The following TAFA5 variants were observed in gnomAD, a reference collection of about 807,000 sequenced individuals.
TAFA5 encodes the protein chemokine-like protein TAFA-5.
Under a neutral mutation model 15.3 loss-of-function variants are expected in TAFA5, and 6 were observed. The ratio of observed to expected loss-of-function variants is 0.39; its 90% confidence interval spans 0.21 to 0.77. The LOEUF (loss-of-function observed/expected upper bound fraction) is 0.77, where lower values mean the gene tolerates loss of function less well. TAFA5 is among the 30% of genes least tolerant of loss of function. The pLI is 0.41. For synonymous variants in TAFA5, 103 were observed against 80.7 expected, an observed-to-expected ratio of 1.28 and a Z score of -1.48; for missense variants, 161 against 193.1, an observed-to-expected ratio of 0.83 and a Z score of 0.98.
At position 48,702,809 on chromosome 22, in the gene TAFA5, C is replaced by T. The variant is rs147752633; in HGVS notation, c.263-4908C>T. 2.1e-3 allele frequency among the ~76,000 whole-genome samples: 315 copies of T among 152,384 alleles called. 1 individual carries two copies. Among genetic ancestry groups the T allele is most frequent in the African/African-American group, 7.0e-3 (293 of 41,588 alleles). On this transcript the variant is annotated intron_variant, in intron 2 of 3. Coordinates refer to ENST00000402357, the MANE Select transcript of TAFA5 (RefSeq NM_001082967.3). Reference sequence around the variant, plus strand: ...GTATGCTTGAAAGGCCCCTTTGTCCCCGGGACATGGTGGCCCGGCGCTGTG... The same window carrying T: ...GTATGCTTGAAAGGCCCCTTTGTCCTCGGGACATGGTGGCCCGGCGCTGTG...
intron 3 of TAFA5, among the ~76,000 whole-genome samples, chr22:48,739,514 C>T (rs577511278): frequency 5.3e-5 from 8 of 152,252 alleles, no homozygotes; most frequent in East Asian, 3.9e-4. Context: ...TTGGTTAGGG[C>T]GGTCTCCTGC....
At chr22:48,609,538 G>C (rs1297062823) in intron 1 of TAFA5, among the ~76,000 whole-genome samples, 2 of 152,192 alleles carry the variant, frequency 1.3e-5, no homozygotes, top group African/African-American at 4.8e-5. Flanking sequence ...CTCTGTCCAC[G>C]CCTCTGTCCA....
intron 3 of TAFA5, among the ~76,000 whole-genome samples, chr22:48,726,891 T>C (rs960128406): frequency 2.0e-5 from 3 of 152,184 alleles, no homozygotes; most frequent in Admixed American, 1.3e-4. Flanking sequence ...TAGGACGGGC[T>C]GGGGGCTCAG....
intron 3 of TAFA5, among the ~76,000 whole-genome samples, chr22:48,711,144 G>A (rs130155): frequency 0.69 from 105,177 of 151,962 alleles, 36,612 homozygotes; most frequent in Middle Eastern, 0.72. Flanking sequence ...ACTGTAGCAG[G>A]ACACTCCGTC....
intron 2 of TAFA5, among the ~76,000 whole-genome samples, chr22:48,650,427 C>T (rs1025298523): frequency 6.6e-6 from 1 of 152,182 alleles, no homozygotes; most frequent in East Asian, 1.9e-4. Flanking sequence ...TGCAGTGCTG[C>T]AGGTGCGGGA....
At chr22:48,508,044 G>A (rs574004979) in intron 1 of TAFA5, among the ~76,000 whole-genome samples, 2 of 151,972 alleles carry the variant, frequency 1.3e-5, no homozygotes, top group Non-Finnish European at 2.9e-5. Context: ...ACTGTCACTC[G>A]GCCCCTAGAG....
intron 1 of TAFA5, among the ~76,000 whole-genome samples, chr22:48,639,742 G>T (rs1479621733): frequency 6.6e-6 from 1 of 152,178 alleles, no homozygotes; most frequent in African/African-American, 2.4e-5. Flanking sequence ...TCAAAACTTG[G>T]CTCACTTATA....
At chr22:48,730,996 C>T (rs1479619192) in intron 3 of TAFA5, among the ~76,000 whole-genome samples, 2 of 152,172 alleles carry the variant, frequency 1.3e-5, no homozygotes, top group African/African-American at 4.8e-5. Context: ...AATGCTAGGC[C>T]TCTCGCACCA....
chr22:48,640,869 G>A (rs371599746), intron 1 of TAFA5, among the ~76,000 whole-genome samples: 358 of 145,760 alleles, frequency 2.5e-3, no homozygotes, highest in African/African-American at 8.6e-3. Flanking sequence ...TGGGGGCACC[G>A]TGGCCCTTGT....
chr22:48,661,345 G>A (rs774121078), intron 2 of TAFA5, among the ~76,000 whole-genome samples: 78 of 152,172 alleles, frequency 5.1e-4, no homozygotes, highest in South Asian at 1.0e-3. Flanking sequence ...CCCTTCCCAC[G>A]TTTACAGAAG....
Position 48,661,010 on chromosome 22 carries a change from A to T in TAFA5, c.262+14264A>T, listed in dbSNP as rs533274657. 2.0e-5 allele frequency among the ~76,000 whole-genome samples: 3 copies of T among 152,270 alleles called. No homozygotes were observed. The South Asian group carries it at 6.2e-4, about 32-fold the overall frequency. On this transcript the variant is annotated intron_variant, in intron 2 of 3. Coordinates refer to ENST00000402357, the MANE Select transcript of TAFA5 (RefSeq NM_001082967.3). ...GGCACAGTGAATACAGTCAGAGCTC[A>T]TTCATTCCAGCTCCACTATTATGGA...
At chr22:48,619,807 C>T (rs758819603) in intron 1 of TAFA5, among the ~76,000 whole-genome samples, 3 of 152,212 alleles carry the variant, frequency 2.0e-5, no homozygotes, top group South Asian at 4.1e-4. Context: ...GAGTCTGGAG[C>T]GGCATGCTGG....
chr22:48,512,642 C>T (rs1351013217), intron 1 of TAFA5, among the ~76,000 whole-genome samples: 2 of 148,452 alleles, frequency 1.3e-5, no homozygotes, highest in Non-Finnish European at 3.0e-5. Flanking sequence ...GAGAGACGGC[C>T]GGGCGCGGTG....
At chr22:48,653,818 C>T (rs1927140388) in intron 2 of TAFA5, among the ~76,000 whole-genome samples, 1 of 152,114 alleles carries the variant, frequency 6.6e-6, no homozygotes, top group Admixed American at 6.5e-5. Context: ...GAGCACAGCT[C>T]AGGGTGAAGG....
intron 1 of TAFA5, among the ~76,000 whole-genome samples, chr22:48,531,866 ACGGGC>A (rs1318446607): frequency 1.3e-5 from 2 of 152,210 alleles, no homozygotes; most frequent in African/African-American, 4.8e-5. Context: ...GGAAGGACGG[ACGGGC>A]CTGGCAGGGC....
intron 1 of TAFA5, among the ~76,000 whole-genome samples, chr22:48,597,977 G>A (rs933726351): frequency 2.8e-4 from 42 of 152,240 alleles, no homozygotes; most frequent in African/African-American, 1.0e-3. Context: ...GAGTGTACCT[G>A]TCAGGGTTCT....
intron 2 of TAFA5, among the ~76,000 whole-genome samples, chr22:48,674,092 T>C (rs1927892034): frequency 6.6e-6 from 1 of 151,866 alleles, no homozygotes; most frequent in Admixed American, 6.6e-5. Context: ...TTCGCCCATC[T>C]CACATCTAGA....
At chr22:48,515,665 C>T (rs133504) in intron 1 of TAFA5, among the ~76,000 whole-genome samples, 35,288 of 152,172 alleles carry the variant, frequency 0.23, 4,598 homozygotes, top group Middle Eastern at 0.31. Context: ...TCATTGCACC[C>T]GGCCCTGCTG....
intron 2 of TAFA5, among the ~76,000 whole-genome samples, chr22:48,694,850 G>A (rs1385209525): frequency 4.5e-5 from 4 of 88,830 alleles, no homozygotes; most frequent in South Asian, 4.1e-4. Flanking sequence ...ACCCCCCGCC[G>A]CTCCAGACTT....
Sources: allele counts gnomAD v4.1 joint callset (sites outside exome capture counted in the v4.1 genomes callset), GRCh38; gene constraint gnomAD v4.1.1; transcripts MANE v1.5; gene names NCBI Gene and HGNC (gene_info 2026-07-23, HGNC 2026-07-21).